The following PLCB4 variants were observed in gnomAD, a reference collection of about 807,000 sequenced individuals.
PLCB4 encodes 1-phosphatidylinositol 4,5-bisphosphate phosphodiesterase beta-4.
In PLCB4, 77 loss-of-function variants were observed where a neutral mutation model predicts 178.8. The observed-to-expected ratio is 0.43, with a 90% CI of 0.36 to 0.52. The LOEUF (loss-of-function observed/expected upper bound fraction) is 0.52. PLCB4 is among the 20% of genes least tolerant of loss of function. The pLI is 0.00. For synonymous variants in PLCB4, 496 were observed against 490.8 expected (o/e 1.01, Z -0.14); for missense variants, 1,024 against 1,453.4 (o/e 0.70, Z 4.80).
At chr20:9,289,712 A>T (rs2094564264) in intron 3 of PLCB4, among the ~76,000 whole-genome samples, 2 of 152,062 alleles carry the variant, frequency 1.3e-5, no homozygotes, top group African/African-American at 4.8e-5. Flanking sequence ...AACTTTCGTC[A>T]TGAGAACCAA....
chr20:9,193,564 G>A (rs539447752), intron 2 of PLCB4, among the ~76,000 whole-genome samples: 5 of 152,278 alleles, frequency 3.3e-5, no homozygotes, highest in South Asian at 2.1e-4. Flanking sequence ...GGTGCTAAGC[G>A]TGAGGGGATG....
In PLCB4 at chr20:9,472,493, A is replaced by C. The variant is rs2044258779; in HGVS notation, c.3351-297A>C. Among the ~76,000 whole-genome samples, 3 of 152,242 alleles carry C rather than the reference A, an allele frequency of 2.0e-5. No homozygotes were observed. In the South Asian group the frequency reaches 6.2e-4, roughly 31 times the overall value. Reference sequence around the variant, plus strand: ...GGGGAGAGAGGAATAAGGAAAACTGAATCAGGAAGAATACACATGGGGCTT... The same window carrying C: ...GGGGAGAGAGGAATAAGGAAAACTGCATCAGGAAGAATACACATGGGGCTT... On this transcript the variant is annotated intron_variant, in intron 36 of 39. Coordinates refer to ENST00000378473, the MANE Select transcript of PLCB4 (RefSeq NM_001377142.1).
At chr20:9,284,874 T>C (rs1433305422) in intron 3 of PLCB4, among the ~76,000 whole-genome samples, 1 of 152,070 alleles carries the variant, frequency 6.6e-6, no homozygotes, top group East Asian at 1.9e-4. Context: ...TTAAACCAGG[T>C]CTAGAGCTCT....
intron 4 of PLCB4, among the ~76,000 whole-genome samples, chr20:9,310,647 G>T: frequency 6.6e-6 from 1 of 152,098 alleles, no homozygotes; most frequent in East Asian, 1.9e-4. Flanking sequence ...AAGAGGCAGA[G>T]GGTGCAGTGA....
At chr20:9,348,701 C>G (rs1240121127) in intron 7 of PLCB4, among the ~76,000 whole-genome samples, 1 of 152,090 alleles carries the variant, frequency 6.6e-6, no homozygotes, top group African/African-American at 2.4e-5. Flanking sequence ...GGATTTTTAG[C>G]TGGCATTTTT....
chr20:9,471,697 A>T (rs960522020), intron 36 of PLCB4, among the ~76,000 whole-genome samples: 2 of 152,240 alleles, frequency 1.3e-5, no homozygotes, highest in Non-Finnish European at 2.9e-5. Context: ...TAAGACAATA[A>T]GCTCCATTCC....
At chr20:9,404,242 C>T (rs974575694) in intron 20 of PLCB4, among the ~76,000 whole-genome samples, 1 of 152,096 alleles carries the variant, frequency 6.6e-6, no homozygotes, top group African/African-American at 2.4e-5. Flanking sequence ...TGGCCCTTCA[C>T]AGGAGCAGGA....
At position 9,362,075 on chromosome 20, in the gene PLCB4, T is replaced by A. The variant is rs558683204; in HGVS notation, c.370-821T>A. On this transcript the variant is annotated intron_variant, in intron 7 of 39. Coordinates refer to ENST00000378473, the MANE Select transcript of PLCB4 (RefSeq NM_001377142.1). ...GCTGTAAACCTAAGAAGGTAAGGAA[T>A]CAGCTTATGTGTGGGCCACCGTTCT... is the stretch of plus-strand genomic sequence containing the variant. Among the ~76,000 whole-genome samples, 3 of 152,258 alleles carry A rather than the reference T, an allele frequency of 2.0e-5. No individual in the cohort carries two copies. In the South Asian group the frequency reaches 6.2e-4, roughly 32 times the overall value.
chr20:9,101,093 G>A (rs945587851), intron 2 of PLCB4, among the ~76,000 whole-genome samples: 4 of 152,204 alleles, frequency 2.6e-5, no homozygotes, highest in Admixed American at 2.0e-4. Flanking sequence ...GTTGCCTGCT[G>A]TCCATCATCA....
intron 3 of PLCB4, among the ~76,000 whole-genome samples, chr20:9,220,358 C>T (rs963499365): frequency 6.6e-5 from 10 of 152,064 alleles, no homozygotes; most frequent in African/African-American, 2.4e-4. Context: ...CATTATAGAC[C>T]GGGCACGGTG....
intron 3 of PLCB4, among the ~76,000 whole-genome samples, chr20:9,286,566 A>G (rs766691599): frequency 1.3e-5 from 2 of 152,056 alleles, no homozygotes; most frequent in Non-Finnish European, 2.9e-5. Context: ...TGTGTGGCCA[A>G]TCACTTAAGC....
At chr20:9,216,782 G>A (rs2093738214) in intron 2 of PLCB4, among the ~76,000 whole-genome samples, 2 of 152,164 alleles carry the variant, frequency 1.3e-5, no homozygotes, top group Admixed American at 6.5e-5. Context: ...TGGGATTATA[G>A]GTGTGAGCCA....
At chr20:9,457,155 T>G (rs1296746393) in intron 33 of PLCB4, among the ~76,000 whole-genome samples, 1 of 152,206 alleles carries the variant, frequency 6.6e-6, no homozygotes, top group African/African-American at 2.4e-5. Context: ...AAATGGAAAC[T>G]GACAACAGCC....
chr20:9,083,415 A>G (rs2090253338), intron 1 of PLCB4, among the ~76,000 whole-genome samples: 1 of 151,940 alleles, frequency 6.6e-6, no homozygotes, highest in East Asian at 1.9e-4. Flanking sequence ...CTTGAGCCAC[A>G]CTGTGGAATG....
At chr20:9,301,481 A>G (rs571481999) in intron 3 of PLCB4, among the ~76,000 whole-genome samples, 1 of 152,210 alleles carries the variant, frequency 6.6e-6, no homozygotes, top group South Asian at 2.1e-4. Context: ...CACATCTGAG[A>G]TAGGTGGTCT....
rs1237476346 is a variant in PLCB4 at position 9,380,143 on chromosome 20, T to A, written c.834T>A (p.Asp278Glu). The A allele has an allele frequency of 1.3e-6, 2 of 1,510,392 alleles. No individual in the cohort carries two copies. Among genetic ancestry groups the A allele is most frequent in the Middle Eastern group, 1.8e-4 (1 of 5,700 alleles). 93.6% of individuals were successfully genotyped at this position (1,510,392 alleles called of 1,614,324 possible). Residue 278 changes from aspartate to glutamate, a missense_variant, in exon 13 of 40, where the codon GAT becomes GAA. Coordinates refer to ENST00000378473, the MANE Select transcript of PLCB4 (RefSeq NM_001377142.1). ...AMQIIEMYEPDEDLKKKGLIS... is the reference protein window; with the variant it reads ...AMQIIEMYEPEEDLKKKGLIS... ...AGATCATTGAGATGTATGAACCTGATGAAGATTTGAAGAAAAAAGGTAATA... is the reference window on the plus strand; with the variant it reads ...AGATCATTGAGATGTATGAACCTGAAGAAGATTTGAAGAAAAAAGGTAATA...
intron 30 of PLCB4, among the ~76,000 whole-genome samples, chr20:9,437,726 C>T (rs917850905): frequency 6.6e-6 from 1 of 152,086 alleles, no homozygotes; most frequent in African/African-American, 2.4e-5. Flanking sequence ...TGGGGTCATC[C>T]TGAGAAGGTC....
chr20:9,229,394 G>A (rs1222958427), intron 3 of PLCB4, among the ~76,000 whole-genome samples: 1 of 151,648 alleles, frequency 6.6e-6, no homozygotes, highest in Non-Finnish European at 1.5e-5. Context: ...TGCAAACAAA[G>A]GAAGGATTTT....
intron 36 of PLCB4, among the ~76,000 whole-genome samples, chr20:9,469,510 G>A (rs902842890): frequency 6.6e-6 from 1 of 152,206 alleles, no homozygotes; most frequent in African/African-American, 2.4e-5. Flanking sequence ...AGCAGATCAA[G>A]GCAGGAATTG....
Sources: gnomAD v4.1 joint callset for allele counts (sites outside exome capture counted in the v4.1 genomes callset) on GRCh38, gnomAD v4.1.1 for gene constraint, MANE v1.5 for transcripts, NCBI Gene and HGNC (gene_info 2026-07-23, HGNC 2026-07-21) for gene names.